LACC1: variants seen among roughly 807,000 people sequenced by gnomAD.
LACC1 encodes the protein laccase domain multifunctional purine nucleosidase 1.
In LACC1, 25 loss-of-function variants were observed where a neutral mutation model predicts 34.8. That is an observed-to-expected ratio of 0.72 (90% CI 0.52 to 1.00). The LOEUF is 1.00. Ranked by LOEUF, LACC1 falls within the 50% of genes least tolerant of loss-of-function variation. The pLI is 0.00. For synonymous variants in LACC1, 162 were observed against 168.0 expected, an observed-to-expected ratio of 0.96 and a Z score of 0.28; for missense variants, 426 against 511.2, an observed-to-expected ratio of 0.83 and a Z score of 1.61.
At chr13:43,887,341 G>A (rs1318779071) in intron 4 of LACC1, among the ~76,000 whole-genome samples, 1 of 152,118 alleles carries the variant, frequency 6.6e-6, no homozygotes, top group African/African-American at 2.4e-5. Context: ...CTTTTGAAGG[G>A]TATGAGTATG....
At chr13:43,881,665 C>T (rs564100274) in intron 2 of LACC1, 118 bp downstream of exon 2, 1 of 747,920 alleles carries the variant, frequency 1.3e-6, no homozygotes. Context: ...GCTGATTACT[C>T]ATTAGCATCA....
In LACC1 at chr13:43,892,551, A is replaced by G. The variant is rs970069893; in HGVS notation, c.*1104A>G. On this transcript the variant is annotated 3_prime_UTR_variant, in exon 7 of 7. Coordinates refer to ENST00000325686, the MANE Select transcript of LACC1 (RefSeq NM_153218.4). ...AGAAGGATAATGAGTTTGACTTTAC[A>G]TAGAATGAAGGGCATCCAGATAGAA... The G allele has an allele frequency of 2.6e-5, 4 of 152,098 alleles. No homozygotes were observed. Among genetic ancestry groups the G allele is most frequent in the Non-Finnish European group, 4.4e-5 (3 of 67,992 alleles). The allele number at this position is 152,098 out of a possible 1,614,324, so 9.4% of individuals were successfully genotyped here.
intron 1 of LACC1, among the ~76,000 whole-genome samples, chr13:43,880,622 G>A (rs892602439): frequency 6.6e-6 from 1 of 152,202 alleles, no homozygotes; most frequent in Non-Finnish European, 1.5e-5. Context: ...CACACAGGTT[G>A]ACACTCTGCA....
At position 43,891,610 on chromosome 13, in the gene LACC1, T is replaced by G; in HGVS notation, c.*163T>G. The G allele has an allele frequency of 2.5e-6, 2 of 784,702 alleles. No individual in the cohort carries two copies. The highest frequency in any genetic ancestry group is 3.1e-6 in the Non-Finnish European group (2 of 647,006). The allele number at this position is 784,702 out of a possible 1,614,324, so 48.6% of individuals were successfully genotyped here. On this transcript the variant is annotated 3_prime_UTR_variant, in exon 7 of 7. Coordinates refer to ENST00000325686, the MANE Select transcript of LACC1 (RefSeq NM_153218.4). ...TTATTCAAAGCCAAATGATTTTCAT[T>G]TAATTGTAATAATAACTGACAAAAA...
chr13:43,886,646 G>A (rs903480118), intron 4 of LACC1, among the ~76,000 whole-genome samples: 2 of 152,052 alleles, frequency 1.3e-5, no homozygotes, highest in Non-Finnish European at 2.9e-5. Flanking sequence ...CTGTCTGTTC[G>A]GTACTATGTC....
Position 43,881,488 on chromosome 13 carries a change from T to C in LACC1, c.503T>C (p.Leu168Ser), listed in dbSNP as rs138701717. The C allele has an allele frequency of 6.5e-5, 105 of 1,613,294 alleles. No homozygotes were observed. The African/African-American group carries it at 1.2e-3, about 18-fold the overall frequency. The change falls in exon 2 of 7, where the codon TTG (leucine) becomes TCG (serine). Residue 168 changes from leucine to serine, a missense_variant. Leu to Ser is a moderately radical substitution (Grantham distance 145, BLOSUM62 -2). Around this residue, in one of 2 missense-constraint regions of LACC1, gnomAD observed 217 missense variants for 210.9 expected, o/e 1.03. Transcript: ENST00000325686. ...ATTCAGAATGAAATAGAAACATTTTTGAGAAGTCTGCCAGCACTGAGAGGA... is the reference window on the plus strand; with the variant it reads ...ATTCAGAATGAAATAGAAACATTTTCGAGAAGTCTGCCAGCACTGAGAGGA... ...RGIQNEIETFLRSLPALRGKL... is the reference protein window; with the variant it reads ...RGIQNEIETFSRSLPALRGKL...
chr13:43,883,156 G>A (rs1171141212), intron 3 of LACC1, among the ~76,000 whole-genome samples: 2 of 152,216 alleles, frequency 1.3e-5, no homozygotes, highest in Non-Finnish European at 1.5e-5. Flanking sequence ...ATGAAATGAT[G>A]TGGAATAAAA....
Position 43,881,186 on chromosome 13 carries a change from TG to T in LACC1, c.203del (p.Gly68AspfsTer33). The T allele has an allele frequency of 6.2e-7, 1 of 1,614,154 alleles. No individual in the cohort carries two copies. The highest frequency in any genetic ancestry group is 8.5e-7 in the Non-Finnish European group (1 of 1,180,010). On this transcript the variant is annotated frameshift_variant, in exon 2 of 7. Transcript: ENST00000325686. LOFTEE classifies it high-confidence loss of function. ...QDNCEIETSNGLSALLEEFEI... is the reference protein window; with the variant it reads ...QDNCEIETSNXLSALLEEFEI... ...ATAATTGTGAAATAGAAACAAGCAA[TG>T]GATTATCAGCTCTCTTGGAAGAATT...
intron 6 of LACC1, among the ~76,000 whole-genome samples, chr13:43,890,865 C>A (rs1280150986): frequency 1.3e-5 from 2 of 152,320 alleles, no homozygotes; most frequent in African/African-American, 4.8e-5. Flanking sequence ...TATATCTCAG[C>A]TACTCAGCTT....
chr13:43,879,246 C>A (rs921678690), upstream of LACC1: 1 of 152,586 alleles, frequency 6.6e-6, no homozygotes, highest in African/African-American at 2.4e-5. Context: ...GCCCGGCTTT[C>A]TAACCGGGCC....
intron 3 of LACC1, 99 bp downstream of exon 3, chr13:43,882,462 T>C: frequency 1.2e-6 from 1 of 826,576 alleles, no homozygotes; most frequent in Non-Finnish European, 1.9e-6. Flanking sequence ...TATCTGCTTT[T>C]TTATCTAAAG....
At chr13:43,889,054 A>G in intron 5 of LACC1, 72 bp downstream of exon 5, 1 of 1,226,836 alleles carries the variant, frequency 8.2e-7, no homozygotes, top group South Asian at 1.3e-5. Context: ...ATTTTGGAGA[A>G]CAATTAATAA....
chr13:43,881,601 CT>C (rs889586509), intron 2 of LACC1, 54 bp downstream of exon 2: 1 of 1,318,586 alleles, frequency 7.6e-7, no homozygotes, highest in Non-Finnish European at 1.0e-6. Flanking sequence ...ACTAGTCTTT[CT>C]TCAGAGGTAG....
intron 2 of LACC1, 33 bp from the exon 3 acceptor site, chr13:43,882,152 A>G (rs779365176): frequency 3.9e-6 from 6 of 1,533,944 alleles, no homozygotes; most frequent in Non-Finnish European, 4.4e-6. Flanking sequence ...TTTGAATAGC[A>G]TCTTTTAAAT....
intron 4 of LACC1, among the ~76,000 whole-genome samples, chr13:43,885,040 C>A (rs1239526377): frequency 1.3e-5 from 2 of 152,038 alleles, no homozygotes; most frequent in African/African-American, 4.8e-5. Flanking sequence ...AATACAGTTA[C>A]CTTAACCAAG....
intron 6 of LACC1, 91 bp downstream of exon 6, chr13:43,890,365 C>G (rs999952227): frequency 8.8e-6 from 9 of 1,019,302 alleles, no homozygotes; most frequent in African/African-American, 3.3e-5. Context: ...CCTCTTTTAG[C>G]CTATTCCTCC....
intron 2 of LACC1, 142 bp downstream of exon 2, chr13:43,881,689 G>C (rs1159333453): frequency 1.5e-6 from 1 of 656,148 alleles, no homozygotes; most frequent in African/African-American, 1.8e-5. Context: ...GCAACACAGA[G>C]GTGTCATGTT....
chr13:43,885,518 G>A (rs1955275226), intron 4 of LACC1, among the ~76,000 whole-genome samples: 1 of 152,072 alleles, frequency 6.6e-6, no homozygotes, highest in South Asian at 2.1e-4. Context: ...AGGAATCCCT[G>A]TTCCATAAAT....
intron 4 of LACC1, among the ~76,000 whole-genome samples, chr13:43,886,503 C>T (rs1955333841): frequency 6.6e-6 from 1 of 152,104 alleles, no homozygotes; most frequent in Admixed American, 6.5e-5. Context: ...AATGCAGGAA[C>T]AGAAAATCAG....
Sources: allele counts gnomAD v4.1 joint callset (sites outside exome capture counted in the v4.1 genomes callset), GRCh38; gene constraint gnomAD v4.1.1; regional missense constraint gnomAD v4.1.1; transcripts MANE v1.5; gene names NCBI Gene and HGNC (gene_info 2026-07-23, HGNC 2026-07-21).